RTN4R: variants seen among roughly 807,000 people sequenced by gnomAD.
RTN4R encodes the protein reticulon-4 receptor.
A neutral mutation model predicts 27.7 loss-of-function variants in RTN4R; 4 were observed. The ratio of observed to expected loss-of-function variants is 0.14; its 90% CI spans 0.07 to 0.33. The LOEUF is 0.33. RTN4R is among the 10% of genes least tolerant of loss of function. The pLI is 1.00. For missense variants in RTN4R, 554 were observed against 671.5 expected, an observed-to-expected ratio of 0.83 and a Z score of 1.93; for synonymous variants, 290 against 305.6, an observed-to-expected ratio of 0.95 and a Z score of 0.53.
chr22:20,243,255 T>C (rs2145972620), intron 1 of RTN4R, 145 bp from the exon 2 acceptor site: 1 of 762,112 alleles, frequency 1.3e-6, no homozygotes, highest in Middle Eastern at 3.4e-4. Context: ...CCCCCGGGAA[T>C]CGCAGTGTTG....
intron 1 of RTN4R, among the ~76,000 whole-genome samples, chr22:20,247,384 G>C (rs1043073895): frequency 6.6e-6 from 1 of 151,992 alleles, no homozygotes; most frequent in Non-Finnish European, 1.5e-5. Flanking sequence ...GGGGGTGGCG[G>C]GCCTATGTCA....
At chr22:20,266,824 C>CCGCAGGCACACATGATCACGCG (rs2051280096) in intron 1 of RTN4R, among the ~76,000 whole-genome samples, 3 of 152,336 alleles carry the variant, frequency 2.0e-5, no homozygotes, top group African/African-American at 7.2e-5. Flanking sequence ...GCCTATGTGC[C>CCGCAGGCACACATGATCACGCG]CGCAGGCACA....
chr22:20,249,549 T>G (rs1409209323), intron 1 of RTN4R, among the ~76,000 whole-genome samples: 1 of 152,092 alleles, frequency 6.6e-6, no homozygotes, highest in Non-Finnish European at 1.5e-5. Context: ...ACAGACTCAG[T>G]GCATGCAATG....
chr22:20,265,136 C>T (rs1266759502), intron 1 of RTN4R, among the ~76,000 whole-genome samples: 1 of 152,210 alleles, frequency 6.6e-6, no homozygotes, highest in Non-Finnish European at 1.5e-5. Context: ...TGGTGTTGCA[C>T]CGGCTGCACA....
At position 20,242,762 on chromosome 22, in the gene RTN4R, G is replaced by A. The variant is rs754353530; in HGVS notation, c.371C>T (p.Ala124Val). 1.9e-6 allele frequency: 3 copies of A among 1,612,664 alleles called. No homozygotes were observed. The South Asian group carries it at 3.3e-5, about 18-fold the overall frequency. ...TAGGCGGCCCAGGCCGTGGAATGTG[G>A]CAGGGTCCACAGACCGGAGCTGTGC... ...DNAQLRSVDP[A>V]TFHGLGRLHT... is the part of the protein sequence containing the mutation. The change falls in exon 2 of 2, where the codon GCC becomes GTC. Residue 124 changes from alanine to valine, a missense_variant. By Grantham distance (64) the Ala-to-Val change is moderately conservative. This residue lies in a region of RTN4R where 413 missense variants were observed against 542.3 expected (regional missense o/e 0.76). Coordinates refer to ENST00000043402, the MANE Select transcript of RTN4R (RefSeq NM_023004.6).
intron 1 of RTN4R, among the ~76,000 whole-genome samples, chr22:20,262,987 C>T (rs372878403): frequency 3.3e-5 from 5 of 152,250 alleles, no homozygotes; most frequent in African/African-American, 1.2e-4. Context: ...CCACCCTGGC[C>T]TGAGCCCCTC....
rs111517604 is a variant in RTN4R, at chr22:20,243,013, C to T, written c.120G>A (p.Thr40=). Residue 40 remains threonine, a synonymous_variant, in exon 2 of 2, where the codon ACG becomes ACA. Transcript: ENST00000043402. ...ACVCYNEPKV[T]TSCPQQGLQA... is the part of the protein sequence containing the mutation. The stretch of plus-strand genomic sequence containing the variant: ...GCAGGCCCTGCTGGGGGCAGCTTGT[C>T]GTCACCTTGGGCTCATTGTAGCATA... The T allele has an allele frequency of 3.8e-4, 617 of 1,607,748 alleles. 1 individual carries two copies. In the African/African-American group the frequency reaches 6.5e-3, roughly 17 times the overall value.
chr22:20,262,371 C>T (rs766907720), intron 1 of RTN4R, among the ~76,000 whole-genome samples: 12 of 152,148 alleles, frequency 7.9e-5, no homozygotes, highest in Admixed American at 2.6e-4. Flanking sequence ...CCTCACTTGC[C>T]GGGACCTGGG....
At chr22:20,245,122 T>G (rs961746074) in intron 1 of RTN4R, among the ~76,000 whole-genome samples, 3 of 151,994 alleles carry the variant, frequency 2.0e-5, no homozygotes, top group African/African-American at 7.3e-5. Flanking sequence ...CCCAGTGAGG[T>G]GCCAGAACTG....
intron 1 of RTN4R, among the ~76,000 whole-genome samples, chr22:20,261,052 G>A (rs919194068): frequency 6.6e-6 from 1 of 152,162 alleles, no homozygotes; most frequent in African/African-American, 2.4e-5. Context: ...GATGTCCTAC[G>A]AGGACCCTCA....
intron 1 of RTN4R, among the ~76,000 whole-genome samples, chr22:20,246,939 C>T (rs1404198016): frequency 6.6e-6 from 1 of 152,242 alleles, no homozygotes; most frequent in East Asian, 1.9e-4. Context: ...TAAGCCCTGC[C>T]CTGCTCCCAC....
chr22:20,265,396 T>A (rs1412523455), intron 1 of RTN4R, among the ~76,000 whole-genome samples: 1 of 152,154 alleles, frequency 6.6e-6, no homozygotes, highest in African/African-American at 2.4e-5. Flanking sequence ...CCAGCCCCTG[T>A]AGGGGTGTCC....
intron 1 of RTN4R, 26 bp from the exon 2 acceptor site, chr22:20,243,136 G>T: frequency 1.9e-6 from 3 of 1,594,062 alleles, no homozygotes; most frequent in Non-Finnish European, 2.5e-6. Flanking sequence ...AGAGTGGTTA[G>T]CAGGAAGGGC....
At chr22:20,266,502 C>T (rs1462874422) in intron 1 of RTN4R, among the ~76,000 whole-genome samples, 1 of 152,222 alleles carries the variant, frequency 6.6e-6, no homozygotes, top group East Asian at 1.9e-4. Flanking sequence ...TCTGCAGTCA[C>T]GCTGGGTCAC....
chr22:20,258,303 G>A (rs527450878), intron 1 of RTN4R, among the ~76,000 whole-genome samples: 1 of 152,226 alleles, frequency 6.6e-6, no homozygotes, highest in Admixed American at 6.5e-5. Context: ...TCCTCTGGGG[G>A]GCTCTTCTCC....
intron 1 of RTN4R, among the ~76,000 whole-genome samples, chr22:20,252,594 C>T (rs1258929798): frequency 6.6e-6 from 1 of 152,124 alleles, no homozygotes; most frequent in Non-Finnish European, 1.5e-5. Flanking sequence ...GATCTCTGCC[C>T]ACCCCCATCT....
In RTN4R at chr22:20,242,549, T is replaced by G; in HGVS notation, c.584A>C (p.Glu195Ala). ...LHGNRISSVP[E>A]RAFRGLHSLD... is the part of the protein sequence containing the mutation. ...GCTGTGCAGCCCACGGAAGGCGCGC[T>G]CGGGCACGCTGGAGATGCGGTTGCC... The change falls in exon 2 of 2, where the codon GAG (glutamate) becomes GCG (alanine). Residue 195 changes from glutamate (E) to alanine (A), a missense_variant. This residue lies in a region of RTN4R where 413 missense variants were observed against 542.3 expected (regional missense o/e 0.76). Transcript: ENST00000043402. 2 of 1,613,462 alleles carry G rather than the reference T, an allele frequency of 1.2e-6. No individual in the cohort carries two copies. The highest frequency in any genetic ancestry group is 2.2e-5 in the South Asian group (2 of 91,072).
chr22:20,252,212 T>C (rs1012954032), intron 1 of RTN4R, among the ~76,000 whole-genome samples: 4 of 130,772 alleles, frequency 3.1e-5, no homozygotes, highest in African/African-American at 1.1e-4. Context: ...ACACCAGCTC[T>C]GTGCAAGGCC....
chr22:20,247,623 CAGG>C (rs1196690190), intron 1 of RTN4R, among the ~76,000 whole-genome samples: 1 of 152,188 alleles, frequency 6.6e-6, no homozygotes, highest in African/African-American at 2.4e-5. Context: ...GGTGCTGCGG[CAGG>C]AGATTGGCAG....
Sources: allele counts gnomAD v4.1 joint callset (sites outside exome capture counted in the v4.1 genomes callset), GRCh38; gene constraint gnomAD v4.1.1; regional missense constraint gnomAD v4.1.1; transcripts MANE v1.5; gene names NCBI Gene and HGNC (gene_info 2026-07-23, HGNC 2026-07-21).